The following BCAS4 variants were observed in gnomAD, a reference collection of about 807,000 sequenced individuals.
The protein encoded by BCAS4 is breast carcinoma amplified sequence 4.
Under a neutral mutation model 15.7 loss-of-function variants are expected in BCAS4, and 9 were observed. The ratio of observed to expected loss-of-function variants is 0.57; its 90% confidence interval spans 0.34 to 1.00. The LOEUF (loss-of-function observed/expected upper bound fraction) is 1.00, where lower values mean the gene tolerates loss of function less well. BCAS4 is among the 50% of genes least tolerant of loss of function. The probability of loss-of-function intolerance (pLI) is 0.02; values close to 1 mark genes in which losing one functional copy is unlikely to be tolerated. For synonymous variants in BCAS4, 101 were observed against 99.5 expected (o/e 1.02, Z -0.09); for missense variants, 225 against 239.1 (o/e 0.94, Z 0.39).
intron 4 of BCAS4, among the ~76,000 whole-genome samples, chr20:50,848,592 G>A (rs903861922): frequency 1.3e-5 from 2 of 152,232 alleles, no homozygotes; most frequent in Admixed American, 6.5e-5. Flanking sequence ...GGCGATTCTT[G>A]TAGCAGGGGA....
intron 4 of BCAS4, among the ~76,000 whole-genome samples, chr20:50,869,887 T>C (rs1486387681): frequency 6.6e-6 from 1 of 151,930 alleles, no homozygotes; most frequent in Non-Finnish European, 1.5e-5. Flanking sequence ...TAGCTGGGAT[T>C]ACAGGCACCC....
rs572675753 is a variant in BCAS4, at chr20:50,862,523, A to G, written c.400-13963A>G. ...TGCAGGCCCGGCAGTGCTGCCGGGG[A>G]GAAGGACGGGCCTGGGCTGAGATGC... On this transcript the variant is annotated intron_variant, in intron 4 of 4. Transcript: ENST00000371608. 4.6e-5 allele frequency among the ~76,000 whole-genome samples: 7 copies of G among 151,946 alleles called. No individual in the cohort carries two copies. In the East Asian group the frequency reaches 1.4e-3, roughly 30 times the overall value.
chr20:50,876,204 G>T, intron 4 of BCAS4: 1 of 408,390 alleles, frequency 2.4e-6, no homozygotes, highest in Non-Finnish European at 4.6e-6. Flanking sequence ...GCCTGCCTTG[G>T]CCTCCCAAAG....
intron 1 of BCAS4, among the ~76,000 whole-genome samples, chr20:50,796,258 A>G (rs1045478942): frequency 4.2e-5 from 6 of 141,576 alleles, no homozygotes; most frequent in African/African-American, 1.6e-4. Flanking sequence ...AATCCCAGCT[A>G]CTTGGGAGGC....
At chr20:50,835,014 C>T (rs976684644) in intron 3 of BCAS4, among the ~76,000 whole-genome samples, 8 of 152,168 alleles carry the variant, frequency 5.3e-5, no homozygotes, top group East Asian at 1.9e-4. Flanking sequence ...CTGCTATGAA[C>T]GTTTGCGTAC....
chr20:50,822,111 C>T (rs2088223285), intron 2 of BCAS4, among the ~76,000 whole-genome samples: 1 of 152,178 alleles, frequency 6.6e-6, no homozygotes, highest in Non-Finnish European at 1.5e-5. Context: ...CATCACTTGT[C>T]TGGTACCTGG....
intron 3 of BCAS4, among the ~76,000 whole-genome samples, chr20:50,834,176 C>T (rs2088378084): frequency 6.6e-6 from 1 of 152,058 alleles, no homozygotes; most frequent in South Asian, 2.1e-4. Flanking sequence ...GTAACCCCCG[C>T]TCCCCACAAA....
At position 50,858,359 on chromosome 20, in the gene BCAS4, T is replaced by G. The variant is rs371780296; in HGVS notation, c.399+16459T>G. On this transcript the variant is annotated intron_variant, in intron 4 of 4. Coordinates refer to ENST00000371608, the MANE Select transcript of BCAS4 (RefSeq NM_198799.4). ...GCTCACACCTGTAATCCCAGCACTT[T>G]GGGAGGCCGAGGTGGGTGGATCATC... Among the ~76,000 whole-genome samples the G allele has an allele frequency of 1.3e-3, 202 of 152,292 alleles. 2 individuals carry two copies. The highest frequency in any genetic ancestry group is 4.6e-3 in the African/African-American group (193 of 41,574).
At chr20:50,818,005 G>C (rs1190246023) in intron 1 of BCAS4, among the ~76,000 whole-genome samples, 1 of 152,034 alleles carries the variant, frequency 6.6e-6, no homozygotes, top group African/African-American at 2.4e-5. Flanking sequence ...TGGAGAGGCC[G>C]TGGTGGCTTT....
chr20:50,871,111 T>G (rs1015367482), intron 4 of BCAS4, among the ~76,000 whole-genome samples: 1 of 152,150 alleles, frequency 6.6e-6, no homozygotes, highest in Non-Finnish European at 1.5e-5. Flanking sequence ...TTCTCTGAGA[T>G]TTTCAAAGGT....
At chr20:50,812,402 G>A (rs1195136455) in intron 1 of BCAS4, among the ~76,000 whole-genome samples, 1 of 150,164 alleles carries the variant, frequency 6.7e-6, no homozygotes, top group African/African-American at 2.5e-5. Flanking sequence ...CCAAAGTACT[G>A]GGATTACAGG....
intron 1 of BCAS4, among the ~76,000 whole-genome samples, chr20:50,796,765 A>G (rs147984088): frequency 0.033 from 4,996 of 151,442 alleles, 99 homozygotes; most frequent in African/African-American, 0.05. Context: ...AAGTGTTGGG[A>G]TTACAGGCGT....
intron 2 of BCAS4, among the ~76,000 whole-genome samples, chr20:50,828,429 T>C (rs1487295629): frequency 6.6e-6 from 1 of 152,016 alleles, no homozygotes; most frequent in Non-Finnish European, 1.5e-5. Flanking sequence ...AGAAGTCTGA[T>C]GTACTTAGGC....
At chr20:50,797,230 G>A (rs1402207076) in intron 1 of BCAS4, among the ~76,000 whole-genome samples, 1 of 152,192 alleles carries the variant, frequency 6.6e-6, no homozygotes, top group Non-Finnish European at 1.5e-5. Flanking sequence ...GGAAAAATGT[G>A]TGGGGACTAC....
intron 1 of BCAS4, among the ~76,000 whole-genome samples, chr20:50,812,286 C>T (rs887049746): frequency 2.6e-5 from 4 of 151,974 alleles, no homozygotes; most frequent in African/African-American, 9.7e-5. Flanking sequence ...GCGCCCACTA[C>T]CACGCCCGGC....
chr20:50,812,115 T>TG (rs2088071960), intron 1 of BCAS4, among the ~76,000 whole-genome samples: 1 of 152,142 alleles, frequency 6.6e-6, no homozygotes, highest in African/African-American at 2.4e-5. Flanking sequence ...TAATGGATAT[T>TG]GGGTCGTGTC....
At chr20:50,807,609 C>T (rs1216152320) in intron 1 of BCAS4, among the ~76,000 whole-genome samples, 1 of 152,240 alleles carries the variant, frequency 6.6e-6, no homozygotes, top group East Asian at 1.9e-4. Context: ...CAGCACTCAT[C>T]ACCTAAATAG....
chr20:50,835,560 T>C (rs1315175814), intron 3 of BCAS4, among the ~76,000 whole-genome samples: 1 of 151,928 alleles, frequency 6.6e-6, no homozygotes, highest in Admixed American at 6.6e-5. Flanking sequence ...AAGTTTTAGA[T>C]AGAGATTGCA....
intron 2 of BCAS4, among the ~76,000 whole-genome samples, chr20:50,829,571 T>C (rs1293432382): frequency 1.3e-5 from 2 of 152,148 alleles, no homozygotes; most frequent in Non-Finnish European, 2.9e-5. Context: ...GCCATGAATA[T>C]GTGGCCTTTT....
Sources: allele counts gnomAD v4.1 joint callset (sites outside exome capture counted in the v4.1 genomes callset), GRCh38; gene constraint gnomAD v4.1.1; transcripts MANE v1.5; gene names NCBI Gene and HGNC (gene_info 2026-07-23, HGNC 2026-07-21).